The following TBC1D5 variants were observed in gnomAD, a reference collection of about 807,000 sequenced individuals.
TBC1D5 encodes the protein TBC1 domain family member 5.
In TBC1D5, 75 loss-of-function variants were observed where a neutral mutation model predicts 100.3. The observed-to-expected ratio is 0.75, with a 90% CI of 0.62 to 0.91. The LOEUF is 0.91. Ranked by LOEUF, TBC1D5 falls within the 40% of genes least tolerant of loss-of-function variation. The pLI is 0.00. For synonymous variants in TBC1D5, 323 were observed against 325.6 expected, an observed-to-expected ratio of 0.99 and a Z score of 0.09; for missense variants, 910 against 942.4, an observed-to-expected ratio of 0.97 and a Z score of 0.45.
At chr3:17,571,379 T>G (rs781352550) in intron 2 of TBC1D5, among the ~76,000 whole-genome samples, 11 of 152,026 alleles carry the variant, frequency 7.2e-5, no homozygotes, top group Non-Finnish European at 1.6e-4. Context: ...TACCACTATT[T>G]TGTGCAGCTC....
At chr3:17,160,690 G>T (rs1203287607) in exon 22 of TBC1D5, 6 of 421,532 alleles carry the variant, frequency 1.4e-5, no homozygotes, top group Non-Finnish European at 2.1e-5. Context: ...TGTGATACTG[G>T]GTACGTAACT....
intron 21 of TBC1D5, among the ~76,000 whole-genome samples, chr3:17,166,237 C>T (rs1033552756): frequency 1.3e-5 from 2 of 151,954 alleles, no homozygotes; most frequent in African/African-American, 4.8e-5. Context: ...CCATATGTTG[C>T]CTGCAAATCC....
At chr3:17,279,632 A>G (rs1435108399) in intron 15 of TBC1D5, among the ~76,000 whole-genome samples, 1 of 152,142 alleles carries the variant, frequency 6.6e-6, no homozygotes, top group Non-Finnish European at 1.5e-5. Flanking sequence ...ACTGGTTTAG[A>G]GTCTAGGCTT....
intron 15 of TBC1D5, among the ~76,000 whole-genome samples, chr3:17,286,532 G>C (rs1460875230): frequency 1.3e-5 from 2 of 152,104 alleles, no homozygotes; most frequent in Middle Eastern, 6.3e-3. Context: ...ATATGATAAA[G>C]ACAAGAAAAT....
rs755849409 is a variant in TBC1D5, at chr3:17,166,750, C to T, written c.2094+17G>A. On this transcript the variant is annotated intron_variant, in intron 21 of 21. Coordinates refer to ENST00000253692, the Ensembl canonical transcript of TBC1D5. ...TCCCTTTGAGTTAATGTAACATGTT[C>T]CTCAGAGTTTCTGTACCTGTTTAAT... is the stretch of plus-strand genomic sequence containing the variant. 8.9e-5 allele frequency: 142 copies of T among 1,596,180 alleles called. No homozygotes were observed. The highest frequency in any genetic ancestry group is 1.2e-4 in the Non-Finnish European group (138 of 1,173,048).
chr3:17,312,660 G>C (rs2150688224), intron 13 of TBC1D5, among the ~76,000 whole-genome samples: 2 of 152,188 alleles, frequency 1.3e-5, no homozygotes, highest in Non-Finnish European at 2.9e-5. Flanking sequence ...CCTTTCAGAG[G>C]GCAGTACACA....
intron 13 of TBC1D5, among the ~76,000 whole-genome samples, chr3:17,343,814 T>A (rs2089409199): frequency 6.6e-6 from 1 of 152,148 alleles, no homozygotes; most frequent in African/African-American, 2.4e-5. Context: ...GGTGGTGATA[T>A]CCCCTTTATC....
intron 9 of TBC1D5, among the ~76,000 whole-genome samples, chr3:17,382,507 T>C (rs2092987231): frequency 6.6e-6 from 1 of 152,004 alleles, no homozygotes. Flanking sequence ...AGTCTTCTCA[T>C]CCAAAAACAT....
intron 17 of TBC1D5, among the ~76,000 whole-genome samples, chr3:17,218,632 T>C (rs1394460149): frequency 1.3e-5 from 2 of 152,018 alleles, no homozygotes; most frequent in African/African-American, 4.8e-5. Context: ...TTATCTGTAA[T>C]TGTCTGAATT....
chr3:17,276,002 T>C (rs1039167546), intron 15 of TBC1D5, among the ~76,000 whole-genome samples: 10 of 152,202 alleles, frequency 6.6e-5, no homozygotes, highest in African/African-American at 2.2e-4. Flanking sequence ...TTTTTCCTCA[T>C]TGTAAGTGAT....
chr3:17,661,430 T>C (rs1473644065), intron 1 of TBC1D5, among the ~76,000 whole-genome samples: 2 of 152,126 alleles, frequency 1.3e-5, no homozygotes, highest in Admixed American at 6.5e-5. Flanking sequence ...TTGGTAGATA[T>C]CCAAATGCTG....
chr3:17,367,784 G>C (rs993633659), intron 13 of TBC1D5, among the ~76,000 whole-genome samples: 1 of 151,742 alleles, frequency 6.6e-6, no homozygotes, highest in Admixed American at 6.6e-5. Flanking sequence ...GCTTGAACCC[G>C]GGAGGCAGAA....
chr3:17,507,929 C>A (rs998811824), intron 3 of TBC1D5, among the ~76,000 whole-genome samples: 1 of 151,712 alleles, frequency 6.6e-6, no homozygotes, highest in Non-Finnish European at 1.5e-5. Flanking sequence ...AGGGTAGAAC[C>A]TGAATACGGT....
chr3:17,430,554 A>G (rs1383837815), intron 3 of TBC1D5, among the ~76,000 whole-genome samples: 1 of 151,922 alleles, frequency 6.6e-6, no homozygotes, highest in East Asian at 1.9e-4. Context: ...AAACATAGCA[A>G]ATAAGGAGTA....
chr3:17,726,557 ATTGT>A (rs1273225595), intron 1 of TBC1D5, among the ~76,000 whole-genome samples: 1 of 151,756 alleles, frequency 6.6e-6, no homozygotes, highest in African/African-American at 2.4e-5. Context: ...TTTTAATGGG[ATTGT>A]TTGTTTTTTG....
chr3:17,544,145 G>A (rs755744768), intron 2 of TBC1D5, among the ~76,000 whole-genome samples: 2 of 152,246 alleles, frequency 1.3e-5, no homozygotes, highest in African/African-American at 2.4e-5. Context: ...TCGGATTACA[G>A]ATGTGGGCCA....
At chr3:17,728,201 A>C (rs1244327721) in intron 1 of TBC1D5, among the ~76,000 whole-genome samples, 1 of 152,212 alleles carries the variant, frequency 6.6e-6, no homozygotes, top group African/African-American at 2.4e-5. Context: ...AAACATTGCC[A>C]TTAACATCAG....
chr3:17,422,320 C>T (rs575216266), intron 4 of TBC1D5, among the ~76,000 whole-genome samples: 1 of 151,918 alleles, frequency 6.6e-6, no homozygotes, highest in East Asian at 1.9e-4. Flanking sequence ...AGGTGTGTAC[C>T]ACCACACTGG....
intron 1 of TBC1D5, among the ~76,000 whole-genome samples, chr3:17,657,385 G>C (rs2066190569): frequency 6.7e-6 from 1 of 148,220 alleles, no homozygotes; most frequent in South Asian, 2.1e-4. Flanking sequence ...CGCGAGGCTG[G>C]AGTGCAGTGG....
Sources: gnomAD v4.1 joint callset for allele counts (sites outside exome capture counted in the v4.1 genomes callset) on GRCh38, gnomAD v4.1.1 for gene constraint, MANE v1.5 for transcripts, NCBI Gene and HGNC (gene_info 2026-07-23, HGNC 2026-07-21) for gene names.